The following STK3 variants were observed in gnomAD, a reference collection of about 807,000 sequenced individuals.
The protein encoded by STK3 is serine/threonine kinase 3, also known as serine/threonine-protein kinase 3.
In STK3, 41 loss-of-function variants were observed where a neutral mutation model predicts 58.0. The ratio of observed to expected loss-of-function variants is 0.71; its 90% confidence interval spans 0.55 to 0.92. STK3 has a LOEUF of 0.92. Ranked by LOEUF, STK3 falls within the 40% of genes least tolerant of loss-of-function variation. The pLI, the probability that STK3 is intolerant of heterozygous loss-of-function variation, is 0.00. For synonymous variants in STK3, 170 were observed against 191.0 expected (o/e 0.89, Z 0.91); for missense variants, 479 against 602.7 (o/e 0.79, Z 2.15).
intron 8 of STK3, among the ~76,000 whole-genome samples, chr8:98,568,385 AGCT>A (rs1283393059): frequency 8.5e-5 from 13 of 152,354 alleles, no homozygotes; most frequent in African/African-American, 3.1e-4. Context: ...ATATGTAAGC[AGCT>A]AACTCAGCAG....
chr8:98,688,966 A>G (rs1824205348), intron 6 of STK3, among the ~76,000 whole-genome samples: 1 of 152,196 alleles, frequency 6.6e-6, no homozygotes, highest in African/African-American at 2.4e-5. Context: ...TCAATGAAAC[A>G]AAAAATTGGT....
At chr8:98,871,680 G>A (rs1260680963) in intron 3 of STK3, among the ~76,000 whole-genome samples, 1 of 152,108 alleles carries the variant, frequency 6.6e-6, no homozygotes, top group African/African-American at 2.4e-5. Flanking sequence ...TGTGATTTTT[G>A]CACATTGATT....
chr8:98,903,487 G>GTTCTTC lies in STK3; in HGVS notation c.-78-19659_-78-19654dup, dbSNP rs71572029. 1.5e-3 allele frequency among the ~76,000 whole-genome samples: 204 copies of GTTCTTC among 139,726 alleles called. 4 individuals are homozygous for GTTCTTC. Among genetic ancestry groups the GTTCTTC allele is most frequent in the Non-Finnish European group, 2.7e-3 (172 of 64,242 alleles). The allele number at this position is 139,726 out of a possible 152,430, so 91.7% of individuals were successfully genotyped here. A position where few individuals can be genotyped will look rare whatever the true frequency, so the allele number is the denominator to read the frequency against. On this transcript the variant is annotated intron_variant, in intron 1 of 1. Coordinates refer to the STK3 transcript ENST00000519420. ...TTATATTTCCACTTCAATTTAGGAA[G>GTTCTTC]TTCTTCTTCTTCTTCTTCTTCTTCT...
At chr8:98,543,494 A>T (rs1193120381) in intron 9 of STK3, among the ~76,000 whole-genome samples, 2 of 152,146 alleles carry the variant, frequency 1.3e-5, no homozygotes, top group Non-Finnish European at 2.9e-5. Flanking sequence ...GAATAGGGAT[A>T]TTTAGGGGGC....
intron 10 of STK3, among the ~76,000 whole-genome samples, chr8:98,459,561 T>C (rs1563622446): frequency 6.6e-6 from 1 of 152,208 alleles, no homozygotes; most frequent in Non-Finnish European, 1.5e-5. Context: ...GGAAAATGTC[T>C]CCAGGGCATG....
At chr8:98,848,116 A>T (rs1392004250) in intron 3 of STK3, among the ~76,000 whole-genome samples, 1 of 152,184 alleles carries the variant, frequency 6.6e-6, no homozygotes, top group African/African-American at 2.4e-5. Flanking sequence ...TGACTTTTTA[A>T]TATCTTCACA....
chr8:98,466,304 G>A (rs2131197086), intron 10 of STK3, among the ~76,000 whole-genome samples: 1 of 152,224 alleles, frequency 6.6e-6, no homozygotes, highest in South Asian at 2.1e-4. Flanking sequence ...AACCTCTGTG[G>A]AGCAATAATA....
chr8:98,741,236 C>G (rs1423447616), intron 4 of STK3, among the ~76,000 whole-genome samples: 3 of 152,186 alleles, frequency 2.0e-5, no homozygotes, highest in Admixed American at 1.3e-4. Context: ...AGCTGTGTAC[C>G]AAGTGGACCT....
intron 4 of STK3, among the ~76,000 whole-genome samples, chr8:98,723,124 T>C (rs2131198226): frequency 6.6e-6 from 1 of 152,272 alleles, no homozygotes; most frequent in South Asian, 2.1e-4. Context: ...TGCGATGTCA[T>C]TTTTAAATCC....
intron 4 of STK3, among the ~76,000 whole-genome samples, chr8:98,711,334 T>C (rs954080215): frequency 2.0e-5 from 3 of 151,890 alleles, no homozygotes; most frequent in African/African-American, 7.3e-5. Flanking sequence ...ATCGAACTAC[T>C]CCGAGCTAAA....
intron 3 of STK3, among the ~76,000 whole-genome samples, chr8:98,846,614 G>T (rs1027186756): frequency 6.6e-6 from 1 of 152,038 alleles, no homozygotes; most frequent in Non-Finnish European, 1.5e-5. Context: ...AAGCGTATAG[G>T]TTACTTAGTG....
At chr8:98,402,452 TGA>T (rs1190391628) in intron 3 of STK3, among the ~76,000 whole-genome samples, 2 of 152,202 alleles carry the variant, frequency 1.3e-5, no homozygotes, top group Non-Finnish European at 2.9e-5. Flanking sequence ...CTGGTGAGGC[TGA>T]GTTTCTGAAA....
chr8:98,650,408 G>A (rs1046409983), intron 6 of STK3, among the ~76,000 whole-genome samples: 1 of 152,262 alleles, frequency 6.6e-6, no homozygotes, highest in Non-Finnish European at 1.5e-5. Context: ...CTCAGCGTGA[G>A]CGACACAGAA....
downstream of STK3, among the ~76,000 whole-genome samples, chr8:98,449,953 A>C (rs146349272): frequency 0.014 from 2,193 of 152,308 alleles, 51 homozygotes; most frequent in African/African-American, 0.049. Context: ...ACCAGAAGCC[A>C]ACCAGATGCC....
chr8:98,509,103 T>C (rs187411157), intron 10 of STK3, among the ~76,000 whole-genome samples: 64 of 152,162 alleles, frequency 4.2e-4, no homozygotes, highest in Non-Finnish European at 8.2e-4. Context: ...CTGCTAGAGA[T>C]TCAGCATATG....
chr8:98,439,232 A>G (rs1818604775), intron 1 of STK3: 1 of 152,240 alleles, frequency 6.6e-6, no homozygotes, highest in African/African-American at 2.4e-5. Context: ...CACAGAATAA[A>G]TGCTGACAAA....
intron 6 of STK3, among the ~76,000 whole-genome samples, chr8:98,608,005 T>C (rs1253881593): frequency 6.6e-6 from 1 of 152,172 alleles, no homozygotes; most frequent in Non-Finnish European, 1.5e-5. Flanking sequence ...AGAAATAGAT[T>C]TTAATGTAAC....
intron 3 of STK3, among the ~76,000 whole-genome samples, chr8:98,871,330 C>CT (rs539759398): frequency 0.038 from 5,792 of 152,184 alleles, 137 homozygotes; most frequent in South Asian, 0.068. Flanking sequence ...AATGCGGGCT[C>CT]TTTTTGGTTC....
chr8:98,920,986 T>G (rs908728498), intron 1 of STK3, among the ~76,000 whole-genome samples: 10 of 152,200 alleles, frequency 6.6e-5, no homozygotes, highest in African/African-American at 2.4e-4. Context: ...GTTGAGTGGT[T>G]GGGTGGGTGT....
Sources: allele counts gnomAD v4.1 joint callset (sites outside exome capture counted in the v4.1 genomes callset), GRCh38; gene constraint gnomAD v4.1.1; transcripts MANE v1.5; gene names NCBI Gene and HGNC (gene_info 2026-07-23, HGNC 2026-07-21).